Variants in RARB observed in about 807,000 individuals in gnomAD.
RARB encodes HBV-activated protein.
In RARB, 17 loss-of-function variants were observed where a neutral mutation model predicts 51.9. The ratio of observed to expected loss-of-function variants is 0.33; its 90% CI spans 0.22 to 0.49. The LOEUF (loss-of-function observed/expected upper bound fraction) is 0.49, where lower values mean the gene tolerates loss of function less well. Ranked by LOEUF, RARB falls within the 20% of genes least tolerant of loss-of-function variation. The pLI, the probability that RARB is intolerant of heterozygous loss-of-function variation, is 0.99. For synonymous variants in RARB, 215 were observed against 195.4 expected (o/e 1.10, Z -0.84); for missense variants, 369 against 550.8 (o/e 0.67, Z 3.30).
At chr3:25,185,369 C>G (rs116646654) in intron 5 of RARB, among the ~76,000 whole-genome samples, 2,422 of 152,154 alleles carry the variant, frequency 0.016, 52 homozygotes, top group African/African-American at 0.054. Flanking sequence ...TCTCTTAGGA[C>G]CTGCGGGGTC....
intron 4 of RARB, among the ~76,000 whole-genome samples, chr3:25,164,217 G>A (rs1307551729): frequency 6.6e-6 from 1 of 152,188 alleles, no homozygotes; most frequent in Non-Finnish European, 1.5e-5. Context: ...TTGGAGGATG[G>A]TCAAGTGATC....
In RARB at chr3:25,509,604, C is replaced by T. The variant is rs1431882734; in HGVS notation, c.448+8281C>T. Reference sequence around the variant, plus strand: ...CTTTCTTGGCTACTTAAACCGGGAGCCAGGTGGCTCATTTGCCCAGAGATG... The same window carrying T: ...CTTTCTTGGCTACTTAAACCGGGAGTCAGGTGGCTCATTTGCCCAGAGATG... On this transcript the variant is annotated intron_variant, in intron 3 of 7. Coordinates refer to ENST00000330688, the MANE Select transcript of RARB (RefSeq NM_000965.5). Among the ~76,000 whole-genome samples the T allele has an allele frequency of 1.3e-5, 2 of 152,188 alleles. 1 individual carries two copies. Among genetic ancestry groups the T allele is most frequent in the African/African-American group, 4.8e-5 (2 of 41,452 alleles).
chr3:25,569,625 A>G, intron 3 of RARB, 133 bp from the exon 4 acceptor site: 1 of 1,061,238 alleles, frequency 9.4e-7, no homozygotes, highest in Non-Finnish European at 1.4e-6. Context: ...GTGTGTTATT[A>G]CCACCTCTTC....
At chr3:25,194,318 A>C (rs1009559896) in intron 5 of RARB, among the ~76,000 whole-genome samples, 1 of 151,794 alleles carries the variant, frequency 6.6e-6, no homozygotes, top group African/African-American at 2.4e-5. Flanking sequence ...AATGTACTGC[A>C]GGAGTATAGT....
intron 5 of RARB, among the ~76,000 whole-genome samples, chr3:25,414,909 T>C (rs1707659440): frequency 2.0e-5 from 3 of 152,226 alleles, no homozygotes; most frequent in Non-Finnish European, 4.4e-5. Context: ...TGGTGTTATC[T>C]TGGCTCACTG....
Position 25,295,876 on chromosome 3 carries a change from C to T in RARB, c.178+121301C>T, listed in dbSNP as rs115536954. Among the ~76,000 whole-genome samples, 155 of 152,300 alleles carry T rather than the reference C, an allele frequency of 1.0e-3. 1 individual carries two copies. Among genetic ancestry groups the T allele is most frequent in the Middle Eastern group, 3.4e-3 (1 of 294 alleles). On this transcript the variant is annotated intron_variant, in intron 5 of 11. Coordinates refer to the RARB transcript ENST00000383772. Reference sequence around the variant, plus strand: ...ATGACCCTTAGGCCCTTTACCACAGCAGCTAGACGGAGAATTCTGAAGTAT... The same window carrying T: ...ATGACCCTTAGGCCCTTTACCACAGTAGCTAGACGGAGAATTCTGAAGTAT...
chr3:25,087,273 C>T (rs1016973613), intron 3 of RARB, among the ~76,000 whole-genome samples: 1 of 152,060 alleles, frequency 6.6e-6, no homozygotes. Flanking sequence ...TTTAGCATGC[C>T]CTTGGCTGAG....
intron 2 of RARB, among the ~76,000 whole-genome samples, chr3:25,464,015 T>G (rs972894508): frequency 2.6e-5 from 4 of 152,224 alleles, no homozygotes; most frequent in Non-Finnish European, 4.4e-5. Context: ...ATCCTGAGAT[T>G]TGGAAAGGTT....
chr3:25,121,311 A>G (rs982137337), intron 3 of RARB, among the ~76,000 whole-genome samples: 2 of 152,156 alleles, frequency 1.3e-5, no homozygotes, highest in Admixed American at 1.3e-4. Flanking sequence ...TCCCAAGAAT[A>G]AACCAGAGAA....
intron 2 of RARB, among the ~76,000 whole-genome samples, chr3:24,914,064 A>G (rs536916707): frequency 6.6e-6 from 1 of 152,216 alleles, no homozygotes. Flanking sequence ...ACATGAAATC[A>G]TGTTGTCTGT....
chr3:25,449,163 T>C (rs1186943504), intron 1 of RARB, among the ~76,000 whole-genome samples: 1 of 152,094 alleles, frequency 6.6e-6, no homozygotes, highest in Non-Finnish European at 1.5e-5. Flanking sequence ...CCATTTGGCC[T>C]GAGTGACTGC....
chr3:25,321,076 G>T (rs1334328660), intron 5 of RARB, among the ~76,000 whole-genome samples: 1 of 152,190 alleles, frequency 6.6e-6, no homozygotes, highest in Non-Finnish European at 1.5e-5. Flanking sequence ...TAACCCCGGT[G>T]TGGAACTCTG....
intron 2 of RARB, among the ~76,000 whole-genome samples, chr3:25,023,259 T>A (rs1412831659): frequency 2.0e-5 from 3 of 152,196 alleles, no homozygotes; most frequent in Non-Finnish European, 4.4e-5. Flanking sequence ...TCCACAGTAA[T>A]GTGAGAAAAG....
chr3:24,965,040 T>C (rs750180057), intron 2 of RARB, among the ~76,000 whole-genome samples: 3 of 152,164 alleles, frequency 2.0e-5, no homozygotes, highest in Non-Finnish European at 4.4e-5. Context: ...TGGAACTAAA[T>C]TCTAGATTTA....
chr3:25,374,061 T>C (rs1706384070), intron 5 of RARB, among the ~76,000 whole-genome samples: 1 of 152,158 alleles, frequency 6.6e-6, no homozygotes. Flanking sequence ...AAAGTCATGT[T>C]CAAATTGGAA....
At chr3:25,319,620 C>T (rs1704513436) in intron 5 of RARB, among the ~76,000 whole-genome samples, 1 of 150,946 alleles carries the variant, frequency 6.6e-6, no homozygotes, top group African/African-American at 2.4e-5. Context: ...TTCCGTTCAA[C>T]ATGATTGCAT....
chr3:25,076,043 A>T (rs1698864215), intron 3 of RARB, among the ~76,000 whole-genome samples: 1 of 152,204 alleles, frequency 6.6e-6, no homozygotes, highest in Non-Finnish European at 1.5e-5. Context: ...AATCTCAAAA[A>T]TCTTTATTAG....
At chr3:25,007,844 G>A (rs954415220) in intron 2 of RARB, among the ~76,000 whole-genome samples, 3 of 151,796 alleles carry the variant, frequency 2.0e-5, no homozygotes, top group African/African-American at 7.3e-5. Flanking sequence ...GGTGGAGAGA[G>A]GTCTGGACCT....
At chr3:25,146,571 G>A (rs888542508) in intron 4 of RARB, among the ~76,000 whole-genome samples, 1 of 145,410 alleles carries the variant, frequency 6.9e-6, no homozygotes, top group African/African-American at 2.5e-5. Context: ...GCAATGGCGC[G>A]ATCTCGGCTC....
Sources: gnomAD v4.1 joint callset for allele counts (sites outside exome capture counted in the v4.1 genomes callset) on GRCh38, gnomAD v4.1.1 for gene constraint, MANE v1.5 for transcripts, NCBI Gene and HGNC (gene_info 2026-07-23, HGNC 2026-07-21) for gene names.